Variants in PCDHGB6 observed in about 807,000 individuals in gnomAD.
PCDHGB6 encodes the protein protocadherin gamma-B6.
PCDHGB6 carries 51 observed loss-of-function variants against 59.1 expected under a neutral mutation model. The ratio of observed to expected loss-of-function variants is 0.86; its 90% CI spans 0.69 to 1.09. PCDHGB6 has a LOEUF of 1.09. Ranked by LOEUF, PCDHGB6 falls within the 50% of genes least tolerant of loss-of-function variation. The pLI, the probability that PCDHGB6 is intolerant of heterozygous loss-of-function variation, is 0.00. For synonymous variants in PCDHGB6, 466 were observed against 495.1 expected, an observed-to-expected ratio of 0.94 and a Z score of 0.78; for missense variants, 1,148 against 1,205.1, an observed-to-expected ratio of 0.95 and a Z score of 0.70.
chr5:141,482,049 C>G (rs1456071625), intron 1 of PCDHGB6, among the ~76,000 whole-genome samples: 2 of 149,284 alleles, frequency 1.3e-5, no homozygotes, highest in Non-Finnish European at 3.0e-5. Context: ...CATGCTGTTG[C>G]ATTCCAGCCT....
At chr5:141,470,682 T>C (rs2099236741) in intron 1 of PCDHGB6, among the ~76,000 whole-genome samples, 1 of 152,138 alleles carries the variant, frequency 6.6e-6, no homozygotes, top group Non-Finnish European at 1.5e-5. Flanking sequence ...TGTTACCATC[T>C]TGAAATTCTT....
In PCDHGB6 at chr5:141,409,862, G is replaced by A. The variant is rs1359567076; in HGVS notation, c.1660G>A (p.Asp554Asn). 19 of 1,612,352 alleles carry A rather than the reference G, an allele frequency of 1.2e-5. No individual in the cohort carries two copies. Among genetic ancestry groups the A allele is most frequent in the Non-Finnish European group, 1.5e-5 (18 of 1,179,422 alleles). ...ANVSLRVLVGDRNDNAPRVLY... is the reference protein window; with the variant it reads ...ANVSLRVLVGNRNDNAPRVLY... The stretch of plus-strand genomic sequence containing the variant: ...CGTGAGCCTGCGCGTGTTGGTGGGA[G>A]ACCGCAATGACAACGCACCGCGGGT... Residue 554 changes from aspartate (D) to asparagine (N), a missense_variant, in exon 1 of 4, where the codon GAC becomes AAC. Physicochemically the swap from Asp to Asn is conservative, Grantham distance 23 (BLOSUM62 1). This residue lies in a region of PCDHGB6 where 549 missense variants were observed against 527.5 expected (regional missense o/e 1.04). Coordinates refer to ENST00000520790, the MANE Select transcript of PCDHGB6 (RefSeq NM_018926.3).
At chr5:141,422,040 C>T (rs1045003805) in intron 1 of PCDHGB6, 10 of 1,611,324 alleles carry the variant, frequency 6.2e-6, no homozygotes, top group African/African-American at 4.0e-5. Context: ...CGGATCCAGA[C>T]GAGGGAATCA....
chr5:141,478,956 T>C (rs2099484450), intron 1 of PCDHGB6, among the ~76,000 whole-genome samples: 1 of 152,200 alleles, frequency 6.6e-6, no homozygotes. Context: ...AACTACCTCA[T>C]TCCTCCACCT....
In PCDHGB6 at chr5:141,423,972, T is replaced by C. The variant is rs1459859824; in HGVS notation, c.2418+13352T>C. ...TTTAGTATTATTTTTCTATTATCAG[T>C]GTATGAGGCTCTCAATTTATTATAT... On this transcript the variant is annotated intron_variant, in intron 1 of 3. Transcript: ENST00000520790. 4 of 1,128,544 alleles carry C rather than the reference T, an allele frequency of 3.5e-6. No homozygotes were observed. The East Asian group carries it at 1.9e-4, about 53-fold the overall frequency. The allele number at this position is 1,128,544 out of a possible 1,614,324, so 69.9% of individuals were successfully genotyped here.
chr5:141,435,733 T>C (rs950139563), intron 1 of PCDHGB6, among the ~76,000 whole-genome samples: 12 of 152,208 alleles, frequency 7.9e-5, no homozygotes, highest in African/African-American at 2.7e-4. Context: ...AGTGTATTAC[T>C]CTTTGAAAAG....
intron 1 of PCDHGB6, chr5:141,471,300 C>T (rs2099254628): frequency 6.6e-6 from 1 of 152,190 alleles, no homozygotes; most frequent in African/African-American, 2.4e-5. Context: ...ATCCACCCAA[C>T]TCGGCCTCCC....
rs186484297 is a variant in PCDHGB6 at position 141,453,739 on chromosome 5, A to G, written c.2419-41068A>G. ...TAAAAATATTTGTTACTACAGCTTA[A>G]ATAACATAAGTCTCCTAAAAATAAT... On this transcript the variant is annotated intron_variant, in intron 1 of 3. Coordinates refer to ENST00000520790, the MANE Select transcript of PCDHGB6 (RefSeq NM_018926.3). Among the ~76,000 whole-genome samples, 2 of 152,370 alleles carry G rather than the reference A, an allele frequency of 1.3e-5. 1 individual carries two copies. Among genetic ancestry groups the G allele is most frequent in the Admixed American group, 1.3e-4 (2 of 15,300 alleles).
In PCDHGB6 at chr5:141,431,770, T is replaced by G. The variant is rs748816389; in HGVS notation, c.2418+21150T>G. The G allele has an allele frequency of 3.7e-6, 6 of 1,614,204 alleles. No homozygotes were observed. In the South Asian group the frequency reaches 6.6e-5, roughly 18 times the overall value. ...CGCGAGCCAAAGTCCTGATCACTGT[T>G]CTGGACGTGAACGACAATGCCCCAG... On this transcript the variant is annotated intron_variant, in intron 1 of 3. Coordinates refer to ENST00000520790, the MANE Select transcript of PCDHGB6 (RefSeq NM_018926.3). The surrounding 1 kb of genome is among the most constrained non-coding windows in gnomAD (Gnocchi z 4.8).
At chr5:141,468,330 CAAA>C (rs533390277) in intron 1 of PCDHGB6, 32,113 of 79,068 alleles carry the variant, frequency 0.41, 3,870 homozygotes, top group African/African-American at 0.52. Flanking sequence ...AACTCCATCT[CAAA>C]AAAAAAAAAA....
At chr5:141,438,210 A>G (rs1228726792) in intron 1 of PCDHGB6, among the ~76,000 whole-genome samples, 2 of 152,188 alleles carry the variant, frequency 1.3e-5, no homozygotes, top group Non-Finnish European at 2.9e-5. Flanking sequence ...ACCATATGGG[A>G]AGGGCTCTGG....
At chr5:141,469,259 A>G (rs1263722797) in intron 1 of PCDHGB6, among the ~76,000 whole-genome samples, 1 of 151,822 alleles carries the variant, frequency 6.6e-6, no homozygotes, top group Admixed American at 6.6e-5. Flanking sequence ...CTTGGGCAAC[A>G]GAGCAAGACC....
intron 1 of PCDHGB6, among the ~76,000 whole-genome samples, chr5:141,439,532 C>T (rs1030997598): frequency 6.6e-6 from 1 of 152,202 alleles, no homozygotes; most frequent in Admixed American, 6.5e-5. Context: ...CTACAGAACG[C>T]TGTCCTCTCA....
At chr5:141,463,650 A>C (rs1206605758) in intron 1 of PCDHGB6, among the ~76,000 whole-genome samples, 1 of 151,746 alleles carries the variant, frequency 6.6e-6, no homozygotes, top group Non-Finnish European at 1.5e-5. Flanking sequence ...ACGGGGTTTC[A>C]CCGTGTTAGC....
intron 1 of PCDHGB6, among the ~76,000 whole-genome samples, chr5:141,483,526 G>A (rs2099582495): frequency 6.6e-6 from 1 of 152,118 alleles, no homozygotes; most frequent in African/African-American, 2.4e-5. Flanking sequence ...TCCTGACTAA[G>A]GAAGCTGGGT....
intron 1 of PCDHGB6, chr5:141,422,327 T>C (rs1561800795): frequency 1.3e-6 from 2 of 1,548,652 alleles, no homozygotes; most frequent in African/African-American, 2.8e-5. Context: ...GGTACAGTGA[T>C]TGCTCTTCTA....
At chr5:141,456,919 C>G (rs2098898169) in intron 1 of PCDHGB6, among the ~76,000 whole-genome samples, 1 of 152,124 alleles carries the variant, frequency 6.6e-6, no homozygotes, top group African/African-American at 2.4e-5. Flanking sequence ...GCCGAGATCG[C>G]ACCACTGCAC....
chr5:141,426,970 A>G (rs772659046), intron 1 of PCDHGB6: 1 of 456,742 alleles, frequency 2.2e-6, no homozygotes. Context: ...ATTCAAATTG[A>G]GGTCACTGAT....
chr5:141,497,825 C>T (rs1015168533), intron 2 of PCDHGB6, among the ~76,000 whole-genome samples: 3 of 152,154 alleles, frequency 2.0e-5, no homozygotes, highest in Admixed American at 6.5e-5. Context: ...CAGGTGTGAT[C>T]GCCCCCGGCC....
Sources: allele counts gnomAD v4.1 joint callset (sites outside exome capture counted in the v4.1 genomes callset), GRCh38; gene constraint gnomAD v4.1.1; regional missense constraint gnomAD v4.1.1; non-coding constraint Gnocchi (gnomAD v3.1); transcripts MANE v1.5; gene names NCBI Gene and HGNC (gene_info 2026-07-23, HGNC 2026-07-21).